NPIPB4: variants seen among roughly 807,000 people sequenced by gnomAD.
The protein encoded by NPIPB4 is nuclear pore complex interacting protein family member B4.
For missense variants in NPIPB4, 105 were observed against 513.7 expected (o/e 0.20, Z 7.69); for synonymous variants, 31 against 194.1 (o/e 0.16, Z 6.99).
Position 21,834,690 on chromosome 16 carries a change from G to T in NPIPB4, c.*28C>A, listed in dbSNP as rs2141837950. On this transcript the variant is annotated 3_prime_UTR_variant, in exon 8 of 8. Coordinates refer to ENST00000682606, the MANE Select transcript of NPIPB4 (RefSeq NM_001384980.1). ...TGTTCTACTCGGTTTTATTCTTATT[G>T]CTCAGGCTTGAGTGCACTGGCCTCT... 1.2e-5 allele frequency: 1 copy of T among 83,538 alleles called. No individual in the cohort carries two copies. The highest frequency in any genetic ancestry group is 1.5e-4 in the Admixed American group (1 of 6,484). The allele number at this position is 83,538 out of a possible 1,614,324, so 5.2% of individuals were successfully genotyped here. A position where few individuals can be genotyped will look rare whatever the true frequency, so the allele number is the denominator to read the frequency against.
chr16:21,849,446 C>CCA (rs1902301617), intron 2 of NPIPB4, among the ~76,000 whole-genome samples: 2 of 4,148 alleles, frequency 4.8e-4, no homozygotes, highest in Non-Finnish European at 7.6e-4. Context: ...GACTCTGTCT[C>CCA]AAAAAAAAAA....
chr16:21,840,268 A>C (rs1901652136), intron 5 of NPIPB4, among the ~76,000 whole-genome samples: 1 of 49,152 alleles, frequency 2.0e-5, no homozygotes, highest in African/African-American at 6.5e-5. Context: ...TACAAAGGTT[A>C]AAAACAACAC....
At chr16:21,850,129 CA>C (rs1403462341) in intron 2 of NPIPB4, among the ~76,000 whole-genome samples, 3 of 118,876 alleles carry the variant, frequency 2.5e-5, no homozygotes, top group Non-Finnish European at 5.4e-5. Context: ...GGAGTGGTGC[CA>C]CATGTCTGTA....
Position 21,837,509 on chromosome 16 carries a change from A to T in NPIPB4, c.878T>A (p.Leu293His). 1.9e-6 allele frequency: 1 copy of T among 534,478 alleles called. No individual in the cohort carries two copies. Among genetic ancestry groups the T allele is most frequent in the Non-Finnish European group, 3.1e-6 (1 of 326,776 alleles). 33.1% of individuals were successfully genotyped at this position (534,478 alleles called of 1,614,324 possible). ...GAGATTATCATCCGCTGAGGGTGGA[A>T]GGGGAGTGAGCACACACTCGGGAGG... ...KTPPECVLTPLPPSADDNLKT... is the reference protein window; with the variant it reads ...KTPPECVLTPHPPSADDNLKT... Residue 293 changes from leucine to histidine, a missense_variant, in exon 8 of 8, where the codon CTT (leucine) becomes CAT (histidine). By Grantham distance (99) the Leu-to-His change is moderately conservative. Coordinates refer to ENST00000682606, the MANE Select transcript of NPIPB4 (RefSeq NM_001384980.1).
At chr16:21,841,969 G>T (rs953722539) in intron 5 of NPIPB4, among the ~76,000 whole-genome samples, 2 of 151,706 alleles carry the variant, frequency 1.3e-5, no homozygotes, top group Non-Finnish European at 2.9e-5. Flanking sequence ...AGGTGGACAG[G>T]AAATACCCTG....
chr16:21,849,398 G>A (rs1163132101), intron 2 of NPIPB4, among the ~76,000 whole-genome samples: 1 of 106,320 alleles, frequency 9.4e-6, no homozygotes, highest in African/African-American at 3.5e-5. Context: ...AGTGAGCCGA[G>A]ATCGCACCAC....
chr16:21,849,493 A>AAAAAAAAAAAAAT (rs1902305805), intron 2 of NPIPB4, among the ~76,000 whole-genome samples: 2 of 78,802 alleles, frequency 2.5e-5, no homozygotes, highest in Non-Finnish European at 5.7e-5. Flanking sequence ...AAAAAAAAAA[A>AAAAAAAAAAAAAT]TTATCAAGGT....
intron 5 of NPIPB4, among the ~76,000 whole-genome samples, chr16:21,840,588 C>A (rs1289122028): frequency 6.8e-6 from 1 of 146,738 alleles, no homozygotes; most frequent in Non-Finnish European, 1.5e-5. Context: ...AGAATTGACA[C>A]CTCCCATTGA....
At position 21,837,324 on chromosome 16, in the gene NPIPB4, G is replaced by C; in HGVS notation, c.1063C>G (p.Leu355Val). ...CLLTPLPPSA[L>V]PSAPPSADDN... is the part of the protein sequence containing the mutation. ...TCCGCTGAGGGTGGAGCTGAGGGTA[G>C]AGCTGAGGGTGGAAGGGGAGTGAGC... Residue 355 changes from leucine to valine, a missense_variant, in exon 8 of 8, where the codon CTA becomes GTA. Coordinates refer to ENST00000682606, the MANE Select transcript of NPIPB4 (RefSeq NM_001384980.1). 1 of 1,324,090 alleles carries C rather than the reference G, an allele frequency of 7.6e-7. No homozygotes were observed. Among genetic ancestry groups the C allele is most frequent in the Non-Finnish European group, 9.5e-7 (1 of 1,051,938 alleles). 82.0% of individuals were successfully genotyped at this position (1,324,090 alleles called of 1,614,324 possible). A position where few individuals can be genotyped will look rare whatever the true frequency, so the allele number is the denominator to read the frequency against.
At chr16:21,843,640 C>CCCTTT in intron 4 of NPIPB4, 54 bp downstream of exon 4, 1 of 1,159,244 alleles carries the variant, frequency 8.6e-7, no homozygotes, top group Non-Finnish European at 1.2e-6. Context: ...GCTGTTCTTT[C>CCCTTT]CCTTTCCAGG....
chr16:21,850,510 G>T (rs1302920689), intron 2 of NPIPB4, among the ~76,000 whole-genome samples: 3 of 151,834 alleles, frequency 2.0e-5, no homozygotes, highest in African/African-American at 4.9e-5. Flanking sequence ...TTAGCCAGGC[G>T]TGGTGGTCTA....
intron 2 of NPIPB4, among the ~76,000 whole-genome samples, chr16:21,849,978 T>TCGGTGGTCGCCGTATCATTAAAAAAG (rs1902343365): frequency 8.8e-5 from 2 of 22,856 alleles, no homozygotes; most frequent in African/African-American, 2.5e-4. Context: ...AGTGTAGATC[T>TCGGTGGTCGCCGTATCATTAAAAAAG]TGGCTGGGCA....
chr16:21,851,217 G>C, intron 2 of NPIPB4: 1 of 169,588 alleles, frequency 5.9e-6, no homozygotes, highest in Non-Finnish European at 9.8e-6. Context: ...TTAGGGCAGG[G>C]GGGAGGGAAG....
chr16:21,850,371 G>C (rs1310599103), intron 2 of NPIPB4, among the ~76,000 whole-genome samples: 3 of 150,558 alleles, frequency 2.0e-5, no homozygotes, highest in Non-Finnish European at 4.5e-5. Flanking sequence ...TATATATTTT[G>C]GCCAGGCGCG....
chr16:21,841,901 C>A (rs1257434494), intron 5 of NPIPB4, among the ~76,000 whole-genome samples: 2 of 151,498 alleles, frequency 1.3e-5, no homozygotes, highest in East Asian at 1.9e-4. Flanking sequence ...ATGAAAGCGA[C>A]CCATACTGAA....
chr16:21,853,621 T>G (rs1902642640), intron 2 of NPIPB4, among the ~76,000 whole-genome samples: 1 of 67,436 alleles, frequency 1.5e-5, no homozygotes, highest in Non-Finnish European at 2.5e-5. Flanking sequence ...CAGAATGGAA[T>G]GAGACTCTGT....
chr16:21,850,523 A>G (rs1405128472), intron 2 of NPIPB4, among the ~76,000 whole-genome samples: 40 of 151,548 alleles, frequency 2.6e-4, no homozygotes, highest in African/African-American at 9.0e-4. Context: ...GTGGTCTACT[A>G]AAAATACAAA....
chr16:21,849,493 A>AAAAT (rs1902305805), intron 2 of NPIPB4, among the ~76,000 whole-genome samples: 16 of 78,824 alleles, frequency 2.0e-4, no homozygotes, highest in Non-Finnish European at 4.2e-4. Flanking sequence ...AAAAAAAAAA[A>AAAAT]TTATCAAGGT....
rs1901666173 is a variant in NPIPB4 at position 21,840,436 on chromosome 16, AGAAGG to A, written c.546-1131_546-1127del. Among the ~76,000 whole-genome samples the A allele has an allele frequency of 2.1e-5, 3 of 140,516 alleles. No individual in the cohort carries two copies. In the East Asian group the frequency reaches 6.6e-4, roughly 31 times the overall value. The allele number at this position is 140,516 out of a possible 152,430, so 92.2% of individuals were successfully genotyped here. Reference sequence around the variant, plus strand: ...CTTTCACGCTTAGTTTCCTCAGATTAGAAGGGAGAGAAATGCACACACATGATCCA... The same window carrying A: ...CTTTCACGCTTAGTTTCCTCAGATTAGAGAGAAATGCACACACATGATCCA... On this transcript the variant is annotated intron_variant, in intron 5 of 7. Coordinates refer to ENST00000682606, the MANE Select transcript of NPIPB4 (RefSeq NM_001384980.1).
Sources: gnomAD v4.1 joint callset for allele counts (sites outside exome capture counted in the v4.1 genomes callset) on GRCh38, gnomAD v4.1.1 for gene constraint, MANE v1.5 for transcripts, NCBI Gene and HGNC (gene_info 2026-07-23, HGNC 2026-07-21) for gene names.